ITIH6: variants seen among roughly 807,000 people sequenced by gnomAD.
The protein encoded by ITIH6 is inter-alpha-trypsin inhibitor heavy chain H6.
A neutral mutation model predicts 58.2 loss-of-function variants in ITIH6; 60 were observed. The observed-to-expected ratio is 1.03, with a 90% CI of 0.84 to 1.28. ITIH6 has a LOEUF of 1.28. ITIH6 is among the 50% of genes most tolerant of loss of function. ITIH6 has a pLI of 0.00. For missense variants in ITIH6, 1,290 were observed against 1,021.1 expected (o/e 1.26, Z -3.59); for synonymous variants, 493 against 417.4 (o/e 1.18, Z -2.21).
Position 54,766,289 on chromosome X carries a change from C to T in ITIH6, c.904-6362G>A, listed in dbSNP as rs1239234997. On this transcript the variant is annotated intron_variant, in intron 6 of 12. Coordinates refer to ENST00000218436, the MANE Select transcript of ITIH6 (RefSeq NM_198510.3). The stretch of plus-strand genomic sequence containing the variant: ...CTTATCAGCTTAAGGAGATTTTGGG[C>T]TGAGATGATGGGGTTTTCTAGATAA... Among the ~76,000 whole-genome samples, 89 of 98,361 alleles carry T rather than the reference C, an allele frequency of 9.0e-4. 1 individual carries two copies. Among genetic ancestry groups the T allele is most frequent in the African/African-American group, 3.3e-3 (88 of 26,578 alleles). 85.4% of individuals were successfully genotyped at this position (98,361 alleles called of 115,157 possible). A position where few individuals can be genotyped will look rare whatever the true frequency, so the allele number is the denominator to read the frequency against.
At chrX:54,785,575 C>T (rs1929227159) in intron 5 of ITIH6, among the ~76,000 whole-genome samples, 2 of 111,221 alleles carry the variant, frequency 1.8e-5, no homozygotes, top group Admixed American at 9.5e-5. Flanking sequence ...GACTGCCTTC[C>T]CGGCCCATGA....
intron 5 of ITIH6, among the ~76,000 whole-genome samples, chrX:54,777,603 C>CAGAG (rs56091331): frequency 7.3e-4 from 80 of 109,029 alleles, no homozygotes; most frequent in African/African-American, 2.4e-3. Context: ...TGGCTCACAA[C>CAGAG]AGAGAGAGAG....
At position 54,757,116 on chromosome X, in the gene ITIH6, G is replaced by T. The variant is rs1928506034; in HGVS notation, c.2958C>A (p.Ile986=). The T allele has an allele frequency of 8.3e-7, 1 of 1,210,021 alleles. No homozygotes were observed. The highest frequency in any genetic ancestry group is 1.7e-5 in the African/African-American group (1 of 57,167). ...CAGGGAGGATGCTAGAAGGCAGCAA[G>T]ATTGGCAGGTTTGGAGGGCTGCCTT... ...TPEGSPPNLP[I]LLPSSILPEA... is the part of the protein sequence containing the mutation. Residue 986 remains isoleucine (I), a synonymous_variant, in exon 8 of 13, where the codon ATC becomes ATA. Transcript: ENST00000218436.
intron 5 of ITIH6, among the ~76,000 whole-genome samples, chrX:54,782,324 G>A (rs1242679625): frequency 9.0e-6 from 1 of 111,634 alleles, no homozygotes; most frequent in Non-Finnish European, 1.9e-5. Flanking sequence ...GCTGAGGCAG[G>A]AGAATCGCTT....
chrX:54,776,968 T>C (rs1569544178), intron 5 of ITIH6, among the ~76,000 whole-genome samples: 1 of 111,897 alleles, frequency 8.9e-6, no homozygotes, highest in East Asian at 2.8e-4. Flanking sequence ...GCCACAAGGG[T>C]ATAGAGCACC....
In ITIH6 at chrX:54,791,990, G is replaced by T; in HGVS notation, c.304C>A (p.Gln102Lys). ...VYIAEVKEKH[Q>K]AKKIYEEAHQ... ...GCTTCTTCATAGATTTTCTTTGCCT[G>T]GTGCTTCTCTTTGACTTCTGCAATG... Residue 102 changes from glutamine (Q) to lysine (K), a missense_variant, in exon 3 of 13, where the codon CAG (glutamine) becomes AAG (lysine). Physicochemically the swap from Gln to Lys is moderately conservative, Grantham distance 53. Transcript: ENST00000218436. 1 of 1,209,214 alleles carries T rather than the reference G, an allele frequency of 8.3e-7. No homozygotes were observed. Among genetic ancestry groups the T allele is most frequent in the Non-Finnish European group, 1.1e-6 (1 of 893,306 alleles).
intron 6 of ITIH6, among the ~76,000 whole-genome samples, chrX:54,764,448 C>T (rs905730156): frequency 2.2e-4 from 23 of 105,179 alleles, no homozygotes; most frequent in Non-Finnish European, 2.7e-4. Flanking sequence ...TGTGATATTC[C>T]GCTTCCTGTG....
In ITIH6 at chrX:54,749,985, C is replaced by A. The variant is rs1474395896; in HGVS notation, c.3852G>T (p.Arg1284Ser). ...AGCAGGAAGCCCAGCGGGGCAGCAG[C>A]CTTGGTGAGTCCTTCAGCAGCCTCT... is the stretch of plus-strand genomic sequence containing the variant. ...LGKRLLKDSP[R>S]LLPRWASCWL... is the part of the protein sequence containing the mutation. The change falls in exon 13 of 13, where the codon AGG (arginine) becomes AGT (serine). Residue 1284 changes from arginine (R) to serine (S), a missense_variant. Transcript: ENST00000218436. 1.2e-5 allele frequency: 15 copies of A among 1,211,634 alleles called. No homozygotes were observed. Among genetic ancestry groups the A allele is most frequent in the African/African-American group, 1.7e-5 (1 of 57,831 alleles).
Position 54,758,763 on chromosome X carries a change from C to T in ITIH6, c.1311G>A (p.Leu437=). 1 of 1,210,431 alleles carries T rather than the reference C, an allele frequency of 8.3e-7. No homozygotes were observed. Among genetic ancestry groups the T allele is most frequent in the Non-Finnish European group, 1.1e-6 (1 of 894,692 alleles). The change falls in exon 8 of 13, where the codon CTG becomes CTA. Residue 437 remains leucine (L), a synonymous_variant. Coordinates refer to ENST00000218436, the MANE Select transcript of ITIH6 (RefSeq NM_198510.3). ...GGTTTTCCAGGGACAGGCGGCGCAG[C>T]AGTGTAAAGTCAGCATCATCCCCAA... ...LAFGDDADFT[L]LRRLSLENRG...
chrX:54,785,918 T>C (rs1386739982), intron 5 of ITIH6, among the ~76,000 whole-genome samples: 1 of 110,740 alleles, frequency 9.0e-6, no homozygotes. Flanking sequence ...CTGGGTGACC[T>C]CCCTTTGTCA....
intron 5 of ITIH6, among the ~76,000 whole-genome samples, chrX:54,786,738 C>T (rs1557214254): frequency 9.0e-6 from 1 of 111,107 alleles, no homozygotes; most frequent in East Asian, 2.8e-4. Context: ...TCCATCTTAC[C>T]TTGTGTGTCA....
intron 6 of ITIH6, among the ~76,000 whole-genome samples, chrX:54,765,619 C>T (rs1357739574): frequency 7.0e-5 from 6 of 86,323 alleles, no homozygotes; most frequent in South Asian, 6.0e-4. Context: ...TTTTTTGAGA[C>T]GGAGTCTCGC....
intron 6 of ITIH6, among the ~76,000 whole-genome samples, chrX:54,761,493 T>C (rs1256002298): frequency 9.0e-6 from 1 of 111,536 alleles, no homozygotes; most frequent in African/African-American, 3.3e-5. Context: ...TTTGATGTTT[T>C]AGACATGAAG....
rs1196650777 is a variant in ITIH6 at position 54,766,312 on chromosome X, T to C, written c.904-6385A>G. ...GGCTGAGATGATGGGGTTTTCTAGA[T>C]AAACAATCATGTCGTCTGCAAACAG... On this transcript the variant is annotated intron_variant, in intron 6 of 12. Transcript: ENST00000218436. Among the ~76,000 whole-genome samples, 3 of 92,983 alleles carry C rather than the reference T, an allele frequency of 3.2e-5. 1 individual carries two copies. The highest frequency in any genetic ancestry group is 4.2e-5 in the Non-Finnish European group (2 of 47,097). 80.7% of individuals were successfully genotyped at this position (92,983 alleles called of 115,157 possible). A position where few individuals can be genotyped will look rare whatever the true frequency, so the allele number is the denominator to read the frequency against.
intron 6 of ITIH6, among the ~76,000 whole-genome samples, chrX:54,760,635 T>C (rs1416713395): frequency 9.0e-6 from 1 of 111,274 alleles, no homozygotes; most frequent in Non-Finnish European, 1.9e-5. Flanking sequence ...CCCCTTCCTG[T>C]GTCCATGTGT....
At chrX:54,762,909 C>A (rs1021718818) in intron 6 of ITIH6, among the ~76,000 whole-genome samples, 1 of 111,451 alleles carries the variant, frequency 9.0e-6, no homozygotes, top group African/African-American at 3.3e-5. Flanking sequence ...TGTGCTTAAC[C>A]CTTTTGATGC....
chrX:54,759,309 C>A (rs902680036), intron 7 of ITIH6, among the ~76,000 whole-genome samples: 4 of 106,164 alleles, frequency 3.8e-5, no homozygotes, highest in African/African-American at 1.5e-4. Context: ...AAGGCTAGCA[C>A]CCCCCCCTCC....
In ITIH6 at chrX:54,784,892, CCTT is replaced by C. The variant is rs751310224; in HGVS notation, c.786+3585_786+3587del. Among the ~76,000 whole-genome samples the C allele has an allele frequency of 1.3e-4, 14 of 111,824 alleles. No individual in the cohort carries two copies. The East Asian group carries it at 3.9e-3, about 31-fold the overall frequency. ...CAGTGTATCCAAGAGATGTCTGTAC[CCTT>C]CTTTTTCTTACAGTGCTGTTCACAA... On this transcript the variant is annotated intron_variant, in intron 5 of 12. Transcript: ENST00000218436.
chrX:54,774,338 T>C (rs1265853039), intron 5 of ITIH6, 141 bp from the exon 6 acceptor site: 1 of 329,664 alleles, frequency 3.0e-6, no homozygotes, highest in East Asian at 5.5e-5. Context: ...GGCATGTGTG[T>C]GACTGTTTGC....
Sources: allele counts gnomAD v4.1 joint callset (sites outside exome capture counted in the v4.1 genomes callset), GRCh38; gene constraint gnomAD v4.1.1; transcripts MANE v1.5; gene names NCBI Gene and HGNC (gene_info 2026-07-23, HGNC 2026-07-21).